The following JMJD4 variants were observed in gnomAD, a reference collection of about 807,000 sequenced individuals.
JMJD4 encodes the protein 2-oxoglutarate and iron-dependent oxygenase JMJD4.
In JMJD4, 34 loss-of-function variants were observed where a neutral mutation model predicts 36.3. The observed-to-expected ratio is 0.94, with a 90% CI of 0.71 to 1.25. JMJD4 has a LOEUF of 1.25. Among genes scored for constraint, JMJD4 ranks in the 50% most tolerant of loss-of-function variants. JMJD4 has a pLI of 0.00. For missense variants in JMJD4, 584 were observed against 559.1 expected, an observed-to-expected ratio of 1.04 and a Z score of -0.45; for synonymous variants, 269 against 235.3, an observed-to-expected ratio of 1.14 and a Z score of -1.31.
In JMJD4 at chr1:227,734,047, C is replaced by G; in HGVS notation, c.429-15G>C. 2 of 1,610,548 alleles carry G rather than the reference C, an allele frequency of 1.2e-6. No homozygotes were observed. Among genetic ancestry groups the G allele is most frequent in the Non-Finnish European group, 1.7e-6 (2 of 1,178,774 alleles). ...CCGGAAAGTCCCTGTGAGGAGGGCGCAAGGGCACCACCGACAGCACGTGAG... is the reference window on the plus strand; with the variant it reads ...CCGGAAAGTCCCTGTGAGGAGGGCGGAAGGGCACCACCGACAGCACGTGAG... On this transcript the variant is annotated splice_polypyrimidine_tract_variant and intron_variant, in intron 2 of 5. Transcript: ENST00000620518.
chr1:227,735,124 C>T lies in JMJD4; in HGVS notation c.150G>A (p.Leu50=). The T allele has an allele frequency of 4.4e-6, 7 of 1,578,536 alleles. No individual in the cohort carries two copies. The highest frequency in any genetic ancestry group is 6.0e-6 in the Non-Finnish European group (7 of 1,163,204). The change falls in exon 1 of 6, where the codon CTG becomes CTA. Residue 50 remains leucine (L), a synonymous_variant. Coordinates refer to ENST00000620518, the MANE Select transcript of JMJD4 (RefSeq NM_023007.3). Reference sequence around the variant, plus strand: ...TGGAAAACACGCAGGGCAGGTTGGGCAGCAAGAAGCCCCGCACAAAGTCGG... The same window carrying T: ...TGGAAAACACGCAGGGCAGGTTGGGTAGCAAGAAGCCCCGCACAAAGTCGG... ...SYADFVRGFL[L]PNLPCVFSSA...
rs758434795 is a variant in JMJD4 at position 227,732,927 on chromosome 1, ACCT to A, written c.920_922del (p.Glu307del). On this transcript the variant is annotated inframe_deletion, in exon 5 of 6. Transcript: ENST00000620518. ...GGGCATGGAGTCCCTCCACTCGCTG[ACCT>A]CCTCCTGCACGGCGCATAGCTCCTG... is the stretch of plus-strand genomic sequence containing the variant. 7 of 1,612,774 alleles carry A rather than the reference ACCT, an allele frequency of 4.3e-6. No individual in the cohort carries two copies. Among genetic ancestry groups the A allele is most frequent in the East Asian group, 2.2e-5 (1 of 44,866 alleles).
chr1:227,735,267 G>T lies in JMJD4; in HGVS notation c.7C>A (p.Arg3Ser), dbSNP rs763500823. 6.2e-7 allele frequency: 1 copy of T among 1,605,692 alleles called. No homozygotes were observed. Among genetic ancestry groups the T allele is most frequent in the East Asian group, 2.2e-5 (1 of 44,508 alleles). ...CTGTCGGCGAGGGCGCGCGTCTCGCGGTCCATCCAGCTCAGCACGGGTCGA... is the reference window on the plus strand; with the variant it reads ...CTGTCGGCGAGGGCGCGCGTCTCGCTGTCCATCCAGCTCAGCACGGGTCGA... MD[R>S]ETRALADSHF... Residue 3 changes from arginine (R) to serine (S), a missense_variant, in exon 1 of 6, where the codon CGC becomes AGC. Physicochemically the swap from Arg to Ser is moderately radical, Grantham distance 110 (BLOSUM62 -1). Transcript: ENST00000620518.
In JMJD4 at chr1:227,731,641, C is replaced by T. The variant is rs946217931; in HGVS notation, c.*751G>A. On this transcript the variant is annotated 3_prime_UTR_variant, in exon 6 of 6. Coordinates refer to ENST00000620518, the MANE Select transcript of JMJD4 (RefSeq NM_023007.3). ...GCCTGGACGAGCCCGCCCACACCTC[C>T]ATCATACCCAGTGTGAAGAGGGGCT... 1.3e-5 allele frequency: 2 copies of T among 152,838 alleles called. No homozygotes were observed. The highest frequency in any genetic ancestry group is 4.8e-5 in the African/African-American group (2 of 41,470). The allele number at this position is 152,838 out of a possible 1,614,324, so 9.5% of individuals were successfully genotyped here. A position where few individuals can be genotyped will look rare whatever the true frequency, so the allele number is the denominator to read the frequency against.
intron 4 of JMJD4, 160 bp downstream of exon 4, chr1:227,733,254 A>C: frequency 1.1e-6 from 1 of 912,778 alleles, no homozygotes; most frequent in Non-Finnish European, 1.6e-6. Flanking sequence ...CAGTGGGTGA[A>C]ACAGAGGCTA....
rs183256403 is a variant in JMJD4 at position 227,733,903 on chromosome 1, T to G, written c.554+4A>C. ...GGGTTCCACTCCCACATCCGTGGCC[T>G]CACCAGCTGCCCGCAGGCCCCGCGT... On this transcript the variant is annotated splice_donor_region_variant and intron_variant, in intron 3 of 5. Transcript: ENST00000620518. 7.6e-4 allele frequency: 1,221 copies of G among 1,613,396 alleles called. 8 individuals carry two copies. The African/African-American group carries it at 0.013, about 18-fold the overall frequency.
Position 227,735,210 on chromosome 1 carries a change from C to T in JMJD4, c.64G>A (p.Gly22Ser), listed in dbSNP as rs768777109. 2 of 1,586,580 alleles carry T rather than the reference C, an allele frequency of 1.3e-6. No individual in the cohort carries two copies. Among genetic ancestry groups the T allele is most frequent in the East Asian group, 2.3e-5 (1 of 43,062 alleles). Reference sequence around the variant, plus strand: ...ACCCGGCCCGGAGCCTGGCCGACGCCGGGGACATCGACCCCCAGGCCTCGG... The same window carrying T: ...ACCCGGCCCGGAGCCTGGCCGACGCTGGGGACATCGACCCCCAGGCCTCGG... ...HFRGLGVDVP[G>S]VGQAPGRVAF... is the part of the protein sequence containing the mutation. The change falls in exon 1 of 6, where the codon GGC (glycine) becomes AGC (serine). Residue 22 changes from glycine (G) to serine (S), a missense_variant. Coordinates refer to ENST00000620518, the MANE Select transcript of JMJD4 (RefSeq NM_023007.3).
At position 227,732,866 on chromosome 1, in the gene JMJD4, G is replaced by A. The variant is rs749298668; in HGVS notation, c.969+15C>T. The A allele has an allele frequency of 5.0e-6, 8 of 1,612,136 alleles. No individual in the cohort carries two copies. The East Asian group carries it at 1.8e-4, about 36-fold the overall frequency. ...CCTCCCCCAGGAGGGTAGCCTCCATGCGTAGCCACCCCACCTGGCAGTGGT... is the reference window on the plus strand; with the variant it reads ...CCTCCCCCAGGAGGGTAGCCTCCATACGTAGCCACCCCACCTGGCAGTGGT... On this transcript the variant is annotated intron_variant, in intron 5 of 5. Transcript: ENST00000620518.
chr1:227,734,898 C>A, intron 1 of JMJD4, 82 bp from the exon 2 acceptor site: 1 of 1,568,690 alleles, frequency 6.4e-7, no homozygotes, highest in Non-Finnish European at 8.7e-7. Context: ...TCTCCAGGGG[C>A]CACGCGCCTG....
In JMJD4 at chr1:227,734,069, T is replaced by G. The variant is rs769940955; in HGVS notation, c.429-37A>C. 7 of 1,598,190 alleles carry G rather than the reference T, an allele frequency of 4.4e-6. No homozygotes were observed. The South Asian group carries it at 7.8e-5, about 18-fold the overall frequency. Reference sequence around the variant, plus strand: ...GCGCAAGGGCACCACCGACAGCACGTGAGGCACGAGGAGACTAGGGCAGCA... The same window carrying G: ...GCGCAAGGGCACCACCGACAGCACGGGAGGCACGAGGAGACTAGGGCAGCA... On this transcript the variant is annotated intron_variant, in intron 2 of 5. Coordinates refer to ENST00000620518, the MANE Select transcript of JMJD4 (RefSeq NM_023007.3).
chr1:227,732,155 C>T lies in JMJD4; in HGVS notation c.*237G>A. ...CAAAAGAGCCAGGTCCTGGCACCAT[C>T]TCCGAGCTCCCAGCAGGCCTGCTGC... On this transcript the variant is annotated 3_prime_UTR_variant, in exon 6 of 6. Transcript: ENST00000620518. 3.4e-6 allele frequency: 2 copies of T among 588,536 alleles called. No homozygotes were observed. The highest frequency in any genetic ancestry group is 2.1e-5 in the South Asian group (1 of 47,986). 36.5% of individuals were successfully genotyped at this position (588,536 alleles called of 1,614,324 possible).
At position 227,732,058 on chromosome 1, in the gene JMJD4, G is replaced by T; in HGVS notation, c.*334C>A. ...GGACAGGGCTGGCCTATTAAGAGGA[G>T]CCACCAGAGAAGGCACACCAGACAC... On this transcript the variant is annotated 3_prime_UTR_variant, in exon 6 of 6. Coordinates refer to ENST00000620518, the MANE Select transcript of JMJD4 (RefSeq NM_023007.3). The T allele has an allele frequency of 2.4e-6, 1 of 412,000 alleles. No individual in the cohort carries two copies. Among genetic ancestry groups the T allele is most frequent in the South Asian group, 2.6e-5 (1 of 37,808 alleles). 25.5% of individuals were successfully genotyped at this position (412,000 alleles called of 1,614,324 possible).
rs1273295248 is a variant in JMJD4, at chr1:227,732,763, C to T, written c.970-87G>A. ...CCGACATGCGCCCAGTCCCCAAGGA[C>T]GAAGAAGGGACCATTAAGACAGAGG... On this transcript the variant is annotated intron_variant, in intron 5 of 5. Transcript: ENST00000620518. 1.1e-5 allele frequency: 18 copies of T among 1,589,526 alleles called. No individual in the cohort carries two copies. The Middle Eastern group carries it at 5.1e-4, about 45-fold the overall frequency.
chr1:227,733,141 G>A, intron 4 of JMJD4, 114 bp from the exon 5 acceptor site: 1 of 1,207,550 alleles, frequency 8.3e-7, no homozygotes, highest in Non-Finnish European at 1.2e-6. Flanking sequence ...AGCCAAGAGG[G>A]CCCTCCTGTC....
At chr1:227,733,384 T>C (rs766761701) in intron 4 of JMJD4, 30 bp downstream of exon 4, 3 of 1,559,424 alleles carry the variant, frequency 1.9e-6, no homozygotes, top group African/African-American at 1.4e-5. Context: ...GGAAGGCCCC[T>C]GATAGGGGGC....
intron 2 of JMJD4, 97 bp downstream of exon 2, chr1:227,734,554 T>C: frequency 8.7e-7 from 1 of 1,149,294 alleles, no homozygotes; most frequent in Non-Finnish European, 1.3e-6. Context: ...GAAAAATAGC[T>C]CCGTTGTGCA....
chr1:227,733,155 C>A, intron 4 of JMJD4, 128 bp from the exon 5 acceptor site: 2 of 1,096,964 alleles, frequency 1.8e-6, no homozygotes, highest in South Asian at 3.0e-5. Context: ...TCCTGTCTCC[C>A]AGCAGGGCTT....
In JMJD4 at chr1:227,732,276, C is replaced by T; in HGVS notation, c.*116G>A. ...GCAGTGGCCATGAACAGCCAGGCCA[C>T]AAGCCTCGACAGGGGTGGGCCCCAG... On this transcript the variant is annotated 3_prime_UTR_variant, in exon 6 of 6. Transcript: ENST00000620518. 1 of 1,262,120 alleles carries T rather than the reference C, an allele frequency of 7.9e-7. No homozygotes were observed. The highest frequency in any genetic ancestry group is 1.1e-6 in the Non-Finnish European group (1 of 890,372). 78.2% of individuals were successfully genotyped at this position (1,262,120 alleles called of 1,614,324 possible). A position where few individuals can be genotyped will look rare whatever the true frequency, so the allele number is the denominator to read the frequency against.
chr1:227,732,914 C>A lies in JMJD4; in HGVS notation c.936G>T (p.Arg312Ser). 6.2e-7 allele frequency: 1 copy of A among 1,612,982 alleles called. No homozygotes were observed. Among genetic ancestry groups the A allele is most frequent in the Non-Finnish European group, 8.5e-7 (1 of 1,180,030 alleles). The change falls in exon 5 of 6, where the codon AGG (arginine) becomes AGT (serine). Residue 312 changes from arginine (R) to serine (S), a missense_variant. Coordinates refer to ENST00000620518, the MANE Select transcript of JMJD4 (RefSeq NM_023007.3). Reference sequence around the variant, plus strand: ...GGTGGTGCCAGTCGGGCATGGAGTCCCTCCACTCGCTGACCTCCTCCTGCA... The same window carrying A: ...GGTGGTGCCAGTCGGGCATGGAGTCACTCCACTCGCTGACCTCCTCCTGCA... ...CAVQEEVSEW[R>S]DSMPDWHHHC...
Sources: allele counts gnomAD v4.1 joint callset, GRCh38; gene constraint gnomAD v4.1.1; transcripts MANE v1.5; gene names NCBI Gene and HGNC (gene_info 2026-07-23, HGNC 2026-07-21).